The following CC2D1A variants were observed in gnomAD, a reference collection of about 807,000 sequenced individuals.
The protein encoded by CC2D1A is coiled-coil and C2 domain-containing protein 1A.
A neutral mutation model predicts 123.8 loss-of-function variants in CC2D1A; 68 were observed. The observed-to-expected ratio is 0.55, with a 90% CI of 0.45 to 0.67. The LOEUF is 0.67. Among genes scored for constraint, CC2D1A ranks in the 30% least tolerant of loss-of-function variants. The pLI, the probability that CC2D1A is intolerant of heterozygous loss-of-function variation, is 0.00. For missense variants in CC2D1A, 1,185 were observed against 1,290.3 expected (o/e 0.92, Z 1.25); for synonymous variants, 477 against 528.0 (o/e 0.90, Z 1.32).
chr19:13,910,063 C>A, intron 2 of CC2D1A, 105 bp downstream of exon 2: 2 of 1,117,064 alleles, frequency 1.8e-6, no homozygotes, highest in Admixed American at 3.2e-5. Flanking sequence ...ACAGAGAAGA[C>A]CCCTGTTCTC....
chr19:13,920,820 G>A lies in CC2D1A; in HGVS notation c.1539G>A (p.Gln513=), dbSNP rs1568413934. 6.2e-7 allele frequency: 1 copy of A among 1,614,014 alleles called. No homozygotes were observed. The highest frequency in any genetic ancestry group is 2.2e-5 in the East Asian group (1 of 44,872). ...TGCAGGCCGCACTGCGAGCCAAGCA[G>A]AAAAACGACGTGGAGGGTGCCAAGA... ...QLLQAALRAK[Q]KNDVEGAKMH... Residue 513 remains glutamine (Q), a synonymous_variant, in exon 14 of 29, where the codon CAG becomes CAA. Coordinates refer to ENST00000318003, the MANE Select transcript of CC2D1A (RefSeq NM_017721.5).
intron 22 of CC2D1A, 76 bp from the exon 23 acceptor site, chr19:13,927,817 G>C: frequency 8.7e-6 from 11 of 1,262,802 alleles, no homozygotes; most frequent in South Asian, 1.3e-5. Flanking sequence ...AACCAGTCTT[G>C]TTCTCCCTTG....
At chr19:13,925,159 T>G (rs1013288041) in intron 17 of CC2D1A, among the ~76,000 whole-genome samples, 6 of 152,176 alleles carry the variant, frequency 3.9e-5, no homozygotes, top group African/African-American at 1.2e-4. Flanking sequence ...GAGTTTTTTA[T>G]TGTTTTTCTA....
chr19:13,925,717 C>T (rs927431218), intron 17 of CC2D1A, among the ~76,000 whole-genome samples: 9 of 151,162 alleles, frequency 6.0e-5, no homozygotes, highest in Non-Finnish European at 1.2e-4. Flanking sequence ...GTCGGGAGTT[C>T]GAGACCAGCC....
rs1599370395 is a variant in CC2D1A, at chr19:13,906,334, G to A, written c.-108G>A. 1 of 816,002 alleles carries A rather than the reference G, an allele frequency of 1.2e-6. No homozygotes were observed. The highest frequency in any genetic ancestry group is 1.8e-5 in the African/African-American group (1 of 55,530). 50.5% of individuals were successfully genotyped at this position (816,002 alleles called of 1,614,324 possible). On this transcript the variant is annotated 5_prime_UTR_variant, in exon 1 of 29. Transcript: ENST00000318003. This position sits in a 1 kb window ranked among gnomAD's most constrained non-coding sequence, Gnocchi z 4.1. ...GGATCGACGGCCGCGGGGCGCCGAC[G>A]AGGAGTGCAGGACTCAGGAAGGGCG...
In CC2D1A at chr19:13,929,395, C is replaced by T. The variant is rs750292734; in HGVS notation, c.2536C>T (p.His846Tyr). 8.7e-6 allele frequency: 14 copies of T among 1,613,452 alleles called. No individual in the cohort carries two copies. The highest frequency in any genetic ancestry group is 1.2e-5 in the Non-Finnish European group (14 of 1,179,992). The change falls in exon 25 of 29, where the codon CAT becomes TAT. Residue 846 changes from histidine (H) to tyrosine (Y), a missense_variant. Transcript: ENST00000318003. Reference sequence around the variant, plus strand: ...ACCCCTTAGATCAGCCCGGCCCCTGCATAGCCTCAGTGTGCTGGCGTTTGA... The same window carrying T: ...ACCCCTTAGATCAGCCCGGCCCCTGTATAGCCTCAGTGTGCTGGCGTTTGA... ...ESGNRSARPL[H>Y]SLSVLAFDQE...
At chr19:13,928,969 A>G (rs1379402627) in intron 24 of CC2D1A, among the ~76,000 whole-genome samples, 1 of 149,892 alleles carries the variant, frequency 6.7e-6, no homozygotes, top group Non-Finnish European at 1.5e-5. Context: ...TCGGCCTCCC[A>G]AAGTGCTGGG....
chr19:13,930,400 C>A lies in CC2D1A; in HGVS notation c.*5C>A. 6.2e-7 allele frequency: 1 copy of A among 1,606,340 alleles called. No homozygotes were observed. The highest frequency in any genetic ancestry group is 1.1e-5 in the South Asian group (1 of 90,620). Reference sequence around the variant, plus strand: ...CTGCAGCGGCTCCGCAGGTGAGGAGCCCATGGGGCGGGCAGCCCCCAGAAA... The same window carrying A: ...CTGCAGCGGCTCCGCAGGTGAGGAGACCATGGGGCGGGCAGCCCCCAGAAA... On this transcript the variant is annotated 3_prime_UTR_variant, in exon 29 of 29. Coordinates refer to ENST00000318003, the MANE Select transcript of CC2D1A (RefSeq NM_017721.5). The surrounding 1 kb of genome is among the most constrained non-coding windows in gnomAD (Gnocchi z 6.8).
At chr19:13,918,337 C>A in intron 7 of CC2D1A, 143 bp downstream of exon 7, 1 of 1,180,714 alleles carries the variant, frequency 8.5e-7, no homozygotes, top group Non-Finnish European at 1.2e-6. Flanking sequence ...CTCAGTTTAC[C>A]CCCTCTGTGA....
chr19:13,912,644 C>T (rs551862134), intron 4 of CC2D1A, 51 bp downstream of exon 4: 46 of 1,589,058 alleles, frequency 2.9e-5, no homozygotes, highest in South Asian at 3.3e-5. Context: ...ACGGACAGCC[C>T]GGGGTTCAAG....
intron 24 of CC2D1A, 58 bp downstream of exon 24, chr19:13,928,246 C>A: frequency 6.8e-7 from 1 of 1,469,316 alleles, no homozygotes; most frequent in Non-Finnish European, 9.4e-7. Flanking sequence ...CTCAGCCCCA[C>A]CTGGACAGTT....
chr19:13,920,205 C>A, intron 12 of CC2D1A: 2 of 513,012 alleles, frequency 3.9e-6, no homozygotes, highest in South Asian at 5.2e-5. Context: ...GAGCCATGGT[C>A]ATGCCACTGT....
At chr19:13,926,241 G>A (rs1971635673) in intron 17 of CC2D1A, among the ~76,000 whole-genome samples, 2 of 151,238 alleles carry the variant, frequency 1.3e-5, no homozygotes, top group South Asian at 4.2e-4. Flanking sequence ...TTAAGTGAAG[G>A]GAATATCACC....
In CC2D1A at chr19:13,919,017, C is replaced by A; in HGVS notation, c.1124C>A (p.Ala375Asp). The A allele has an allele frequency of 6.2e-7, 1 of 1,608,050 alleles. No individual in the cohort carries two copies. Among genetic ancestry groups the A allele is most frequent in the Non-Finnish European group, 8.5e-7 (1 of 1,177,118 alleles). ...QAKSKGDQRKARMHERIVKQY... is the reference protein window; with the variant it reads ...QAKSKGDQRKDRMHERIVKQY... The stretch of plus-strand genomic sequence containing the variant: ...AAGAGCAAGGGGGACCAGCGGAAAG[C>A]TCGAATGCACGAGCGCATCGTCAAG... Residue 375 changes from alanine (A) to aspartate (D), a missense_variant, in exon 10 of 29, where the codon GCT (alanine) becomes GAT (aspartate). Ala to Asp is a moderately radical substitution (Grantham distance 126). Coordinates refer to ENST00000318003, the MANE Select transcript of CC2D1A (RefSeq NM_017721.5).
Position 13,920,092 on chromosome 19 carries a change from T to A in CC2D1A, c.1356+141T>A, listed in dbSNP as rs60432455. The A allele has an allele frequency of 4.2e-3, 3,535 of 835,318 alleles. 97 individuals carry two copies. The African/African-American group carries it at 0.054, about 13-fold the overall frequency. 51.7% of individuals were successfully genotyped at this position (835,318 alleles called of 1,614,324 possible). A position where few individuals can be genotyped will look rare whatever the true frequency, so the allele number is the denominator to read the frequency against. The stretch of plus-strand genomic sequence containing the variant: ...TGAGACCCCCGTCTCTACAAAAAAA[T>A]TTTTTAAAATTAGCCAGGCATGGTG... On this transcript the variant is annotated intron_variant, in intron 12 of 28. Transcript: ENST00000318003.
intron 6 of CC2D1A, among the ~76,000 whole-genome samples, chr19:13,915,786 G>A (rs560300237): frequency 2.6e-5 from 4 of 152,156 alleles, no homozygotes; most frequent in South Asian, 2.1e-4. Flanking sequence ...AGCCGTGATC[G>A]TGCCACTCCA....
In CC2D1A at chr19:13,930,166, G is replaced by A. The variant is rs113724838; in HGVS notation, c.2787+12G>A. The stretch of plus-strand genomic sequence containing the variant: ...ACGATGGCAGCAGGGTGAGCTGGTC[G>A]CGGGCCGGGTGGGCACTGGGCAGCG... On this transcript the variant is annotated intron_variant, in intron 27 of 28. Transcript: ENST00000318003. The surrounding 1 kb of genome is among the most constrained non-coding windows in gnomAD (Gnocchi z 6.8). 3.4e-3 allele frequency: 5,540 copies of A among 1,613,264 alleles called. 165 individuals carry two copies. The African/African-American group carries it at 0.065, about 19-fold the overall frequency.
chr19:13,909,051 C>T (rs1339050669), intron 1 of CC2D1A, among the ~76,000 whole-genome samples: 1 of 152,106 alleles, frequency 6.6e-6, no homozygotes, highest in African/African-American at 2.4e-5. Flanking sequence ...CTCAGCCTCC[C>T]GAGTAGCTGG....
chr19:13,929,351 A>G, intron 24 of CC2D1A, 28 bp from the exon 25 acceptor site: 4 of 1,611,080 alleles, frequency 2.5e-6, no homozygotes, highest in South Asian at 1.1e-5. Context: ...GAATCTCTGC[A>G]GTCCCTTATC....
Sources: gnomAD v4.1 joint callset for allele counts (sites outside exome capture counted in the v4.1 genomes callset) on GRCh38, gnomAD v4.1.1 for gene constraint, Gnocchi (gnomAD v3.1) non-coding constraint, MANE v1.5 for transcripts, NCBI Gene and HGNC (gene_info 2026-07-23, HGNC 2026-07-21) for gene names.